USP6NL: variants seen among roughly 807,000 people sequenced by gnomAD.
USP6NL encodes the protein USP6 N-terminal like, also known as USP6 N-terminal-like protein.
Under a neutral mutation model 61.9 loss-of-function variants are expected in USP6NL, and 26 were observed. The observed-to-expected ratio is 0.42, with a 90% CI of 0.31 to 0.58. The LOEUF (loss-of-function observed/expected upper bound fraction) is 0.58. Ranked by LOEUF, USP6NL falls within the 20% of genes least tolerant of loss-of-function variation. USP6NL has a pLI of 0.16. For missense variants in USP6NL, 1,114 were observed against 1,034.3 expected, an observed-to-expected ratio of 1.08 and a Z score of -1.06; for synonymous variants, 432 against 390.1, an observed-to-expected ratio of 1.11 and a Z score of -1.27.
At chr10:11,583,930 G>A (rs891618062) in intron 2 of USP6NL, among the ~76,000 whole-genome samples, 6 of 152,206 alleles carry the variant, frequency 3.9e-5, no homozygotes, top group African/African-American at 1.4e-4. Flanking sequence ...TTCAGAGGCT[G>A]AGGCAGGAGA....
intron 2 of USP6NL, among the ~76,000 whole-genome samples, chr10:11,580,640 G>C (rs888539120): frequency 5.9e-5 from 9 of 152,180 alleles, no homozygotes; most frequent in African/African-American, 2.4e-5. Flanking sequence ...CACAGGGACT[G>C]TGACTTCATT....
At chr10:11,507,963 C>T (rs1834533764) in intron 6 of USP6NL, among the ~76,000 whole-genome samples, 2 of 152,194 alleles carry the variant, frequency 1.3e-5, no homozygotes, top group Admixed American at 1.3e-4. Flanking sequence ...CACCATCAGG[C>T]TATACTACTG....
At chr10:11,497,662 G>T (rs1833995626) in intron 7 of USP6NL, among the ~76,000 whole-genome samples, 1 of 152,056 alleles carries the variant, frequency 6.6e-6, no homozygotes, top group South Asian at 2.1e-4. Context: ...GCCTCATGGT[G>T]GAAGAAAAGC....
At position 11,611,144 on chromosome 10, in the gene USP6NL, G is replaced by A. The variant is rs1262132794; in HGVS notation, c.-84+299C>T. Reference sequence around the variant, plus strand: ...CTGGCCGGGATCGCGGCTCACTCGGGGAGGCAGTCGCCGGGTTCCACCCCC... The same window carrying A: ...CTGGCCGGGATCGCGGCTCACTCGGAGAGGCAGTCGCCGGGTTCCACCCCC... On this transcript the variant is annotated intron_variant, in intron 1 of 14. Coordinates refer to ENST00000609104, the MANE Select transcript of USP6NL (RefSeq NM_014688.5). The surrounding 1 kb of genome is among the most constrained non-coding windows in gnomAD (Gnocchi z 5.3). 6.6e-6 allele frequency among the ~76,000 whole-genome samples: 1 copy of A among 152,054 alleles called. No homozygotes were observed. The highest frequency in any genetic ancestry group is 6.5e-5 in the Admixed American group (1 of 15,274).
At position 11,525,484 on chromosome 10, in the gene USP6NL, A is replaced by C; in HGVS notation, c.73-16T>G. The C allele has an allele frequency of 6.4e-7, 1 of 1,557,892 alleles. No individual in the cohort carries two copies. The highest frequency in any genetic ancestry group is 8.6e-7 in the Non-Finnish European group (1 of 1,160,862). ...CTTCTCGTCCCTAAAATAAGGCACA[A>C]AAAAAGGTGTTAATCAGAGTTTATA... On this transcript the variant is annotated splice_polypyrimidine_tract_variant and intron_variant, in intron 3 of 14. Coordinates refer to ENST00000609104, the MANE Select transcript of USP6NL (RefSeq NM_014688.5). The surrounding 1 kb of genome is among the most constrained non-coding windows in gnomAD (Gnocchi z 5.0).
chr10:11,532,256 T>C lies in USP6NL; in HGVS notation c.5-4689A>G. On this transcript the variant is annotated intron_variant, in intron 2 of 14. Transcript: ENST00000609104. This position sits in a 1 kb window ranked among gnomAD's most constrained non-coding sequence, Gnocchi z 4.1. ...ATAGAGTAACTTATCTATTCCAAGA[T>C]TTCATTATTATTTTATAGTTCTCGA... 1 of 1,580,872 alleles carries C rather than the reference T, an allele frequency of 6.3e-7. No homozygotes were observed. The highest frequency in any genetic ancestry group is 8.6e-7 in the Non-Finnish European group (1 of 1,163,462).
intron 2 of USP6NL, among the ~76,000 whole-genome samples, chr10:11,568,213 G>C (rs1837236937): frequency 6.6e-6 from 1 of 151,982 alleles, no homozygotes; most frequent in African/African-American, 2.4e-5. Context: ...TAAACATAGG[G>C]AGGCATTATG....
At position 11,461,427 on chromosome 10, in the gene USP6NL, A is replaced by G. The variant is rs1268818452; in HGVS notation, c.*1014T>C. The G allele has an allele frequency of 6.6e-6, 1 of 152,192 alleles. No individual in the cohort carries two copies. The highest frequency in any genetic ancestry group is 1.5e-5 in the Non-Finnish European group (1 of 68,034). 9.4% of individuals were successfully genotyped at this position (152,192 alleles called of 1,614,324 possible). ...CAATATCCGTCGACTACATTCCATA[A>G]AGAGGACAGAAATGGATTGTATAAA... is the stretch of plus-strand genomic sequence containing the variant. On this transcript the variant is annotated 3_prime_UTR_variant, in exon 15 of 15. Coordinates refer to ENST00000609104, the MANE Select transcript of USP6NL (RefSeq NM_014688.5).
rs1591915797 is a variant in USP6NL, at chr10:11,548,957, T to G, written c.5-21390A>C. Among the ~76,000 whole-genome samples the G allele has an allele frequency of 6.6e-6, 1 of 152,306 alleles. No individual in the cohort carries two copies. Among genetic ancestry groups the G allele is most frequent in the East Asian group, 1.9e-4 (1 of 5,190 alleles). On this transcript the variant is annotated intron_variant, in intron 2 of 14. Transcript: ENST00000609104. The surrounding 1 kb of genome is among the most constrained non-coding windows in gnomAD (Gnocchi z 4.3). Reference sequence around the variant, plus strand: ...TTTTAAACCCATTCATAAACCATGATTTAATAAAACTAAGCTCGAATTCTG... The same window carrying G: ...TTTTAAACCCATTCATAAACCATGAGTTAATAAAACTAAGCTCGAATTCTG...
chr10:11,557,085 TTTA>T (rs1256482737), intron 2 of USP6NL, among the ~76,000 whole-genome samples: 2 of 152,222 alleles, frequency 1.3e-5, no homozygotes, highest in African/African-American at 2.4e-5. Context: ...AAGCATATAA[TTTA>T]TTATTAATTA....
At chr10:11,539,757 A>G (rs985916368) in intron 2 of USP6NL, among the ~76,000 whole-genome samples, 2 of 152,250 alleles carry the variant, frequency 1.3e-5, no homozygotes, top group East Asian at 3.8e-4. Context: ...CTGGTTTGTA[A>G]CAACTCCTTG....
chr10:11,567,155 T>G (rs566145429), intron 2 of USP6NL, among the ~76,000 whole-genome samples: 1 of 152,374 alleles, frequency 6.6e-6, no homozygotes, highest in South Asian at 2.1e-4. Context: ...GGTGCTTAAA[T>G]AGTCCATTGC....
intron 2 of USP6NL, among the ~76,000 whole-genome samples, chr10:11,594,770 C>T (rs1339672960): frequency 2.0e-5 from 3 of 152,222 alleles, no homozygotes; most frequent in Admixed American, 6.5e-5. Context: ...ATACTAAGGA[C>T]ATTACTTACA....
intron 2 of USP6NL, among the ~76,000 whole-genome samples, chr10:11,590,589 C>T (rs1433498970): frequency 6.6e-6 from 1 of 152,010 alleles, no homozygotes; most frequent in East Asian, 1.9e-4. Context: ...ATATAGAAAT[C>T]CAGTTTTGGA....
chr10:11,511,721 T>C lies in USP6NL; in HGVS notation c.196-2046A>G, dbSNP rs1443430201. Among the ~76,000 whole-genome samples the C allele has an allele frequency of 1.3e-5, 2 of 152,128 alleles. No individual in the cohort carries two copies. The highest frequency in any genetic ancestry group is 3.4e-3 in the Middle Eastern group (1 of 294). On this transcript the variant is annotated intron_variant, in intron 5 of 14. Coordinates refer to ENST00000609104, the MANE Select transcript of USP6NL (RefSeq NM_014688.5). The surrounding 1 kb of genome is among the most constrained non-coding windows in gnomAD (Gnocchi z 4.9). ...ACAGATTATTTTAAATGCTATACAT[T>C]CCCACGCTGCAAGAACAAAACACAC...
intron 2 of USP6NL, among the ~76,000 whole-genome samples, chr10:11,572,753 T>C (rs1345506760): frequency 1.3e-5 from 2 of 152,078 alleles, no homozygotes; most frequent in Non-Finnish European, 2.9e-5. Flanking sequence ...AATGCTTACA[T>C]GTGAAAAGGC....
At chr10:11,494,406 T>G (rs1374640313) in intron 7 of USP6NL, among the ~76,000 whole-genome samples, 1 of 152,178 alleles carries the variant, frequency 6.6e-6, no homozygotes, top group Non-Finnish European at 1.5e-5. Flanking sequence ...AACAATTCAT[T>G]TGTCAACTTC....
At position 11,496,347 on chromosome 10, in the gene USP6NL, T is replaced by C. The variant is rs573720694; in HGVS notation, c.385-3119A>G. On this transcript the variant is annotated intron_variant, in intron 7 of 14. Coordinates refer to ENST00000609104, the MANE Select transcript of USP6NL (RefSeq NM_014688.5). The surrounding 1 kb of genome is among the most constrained non-coding windows in gnomAD (Gnocchi z 5.4). ...AAGCCTTACGGAGATTCTGAGCTAC[T>C]AATCAGGTTGCTTCTCCAATTCCCA... Among the ~76,000 whole-genome samples the C allele has an allele frequency of 1.6e-4, 25 of 152,372 alleles. No homozygotes were observed. The highest frequency in any genetic ancestry group is 5.3e-4 in the African/African-American group (22 of 41,584).
At chr10:11,580,499 TAA>T (rs1366187208) in intron 2 of USP6NL, among the ~76,000 whole-genome samples, 1 of 152,076 alleles carries the variant, frequency 6.6e-6, no homozygotes, top group Non-Finnish European at 1.5e-5. Flanking sequence ...AACAAGAACT[TAA>T]TAAAGTTTCA....
Sources: gnomAD v4.1 joint callset for allele counts (sites outside exome capture counted in the v4.1 genomes callset) on GRCh38, gnomAD v4.1.1 for gene constraint, Gnocchi (gnomAD v3.1) non-coding constraint, MANE v1.5 for transcripts, NCBI Gene and HGNC (gene_info 2026-07-23, HGNC 2026-07-21) for gene names.